Variants in CACNA2D1 observed in about 807,000 individuals in gnomAD.
CACNA2D1 encodes the protein voltage-dependent calcium channel subunit alpha-2/delta-1.
Under a neutral mutation model 171.5 loss-of-function variants are expected in CACNA2D1, and 53 were observed. The ratio of observed to expected loss-of-function variants is 0.31; its 90% CI spans 0.25 to 0.39. The LOEUF (loss-of-function observed/expected upper bound fraction) is 0.39. Among genes scored for constraint, CACNA2D1 ranks in the 10% least tolerant of loss-of-function variants. CACNA2D1 has a pLI of 1.00. For missense variants in CACNA2D1, 903 were observed against 1,299.8 expected (o/e 0.69, Z 4.69); for synonymous variants, 442 against 443.1 (o/e 1.00, Z 0.03).
chr7:82,127,360 C>A (rs1790449512), intron 5 of CACNA2D1, among the ~76,000 whole-genome samples: 1 of 152,184 alleles, frequency 6.6e-6, no homozygotes, highest in South Asian at 2.1e-4. Context: ...AACCTTGAAG[C>A]AAAATTAACA....
At position 82,255,172 on chromosome 7, in the gene CACNA2D1, A is replaced by G. The variant is rs145615851; in HGVS notation, c.294+79963T>C. On this transcript the variant is annotated intron_variant, in intron 3 of 38. Coordinates refer to ENST00000356860, the MANE Select transcript of CACNA2D1 (RefSeq NM_000722.4). ...GTTTTCCCCTCACTTGCTAAACAAA[A>G]GTTCCAAGCCTTTCATATCTAGCTC... Among the ~76,000 whole-genome samples the G allele has an allele frequency of 3.3e-3, 502 of 152,236 alleles. 4 individuals carry two copies. Among genetic ancestry groups the G allele is most frequent in the African/African-American group, 0.012 (482 of 41,542 alleles).
intron 3 of CACNA2D1, among the ~76,000 whole-genome samples, chr7:82,314,655 A>G (rs1585452631): frequency 6.6e-6 from 1 of 152,192 alleles, no homozygotes; most frequent in South Asian, 2.1e-4. Flanking sequence ...TATTTAATTT[A>G]CATTGTTCAT....
chr7:82,216,363 T>C (rs1237888469), intron 3 of CACNA2D1, among the ~76,000 whole-genome samples: 2 of 152,186 alleles, frequency 1.3e-5, no homozygotes, highest in African/African-American at 2.4e-5. Context: ...CACTGTTGCA[T>C]TAAAATTCTG....
intron 1 of CACNA2D1, among the ~76,000 whole-genome samples, chr7:82,396,032 T>C (rs1184893545): frequency 1.3e-5 from 2 of 152,262 alleles, no homozygotes; most frequent in Non-Finnish European, 2.9e-5. Context: ...CTTTCTAATA[T>C]ATTTTATTAC....
At chr7:82,378,439 T>C (rs528619433) in intron 1 of CACNA2D1, among the ~76,000 whole-genome samples, 4 of 152,304 alleles carry the variant, frequency 2.6e-5, no homozygotes, top group African/African-American at 9.6e-5. Flanking sequence ...ATATTTACTA[T>C]AGAAGTGCTC....
At chr7:82,035,460 T>C (rs146171349) in intron 11 of CACNA2D1, among the ~76,000 whole-genome samples, 1 of 152,204 alleles carries the variant, frequency 6.6e-6, no homozygotes, top group East Asian at 1.9e-4. Flanking sequence ...ATGTGGGATG[T>C]ATGGAAAGTA....
intron 6 of CACNA2D1, among the ~76,000 whole-genome samples, chr7:82,085,501 C>T (rs969499576): frequency 1.7e-4 from 24 of 144,534 alleles, no homozygotes; most frequent in Non-Finnish European, 3.0e-4. Flanking sequence ...GGCAGAGCAA[C>T]ATAAATTAGC....
rs1405241042 is a variant in CACNA2D1, at chr7:82,393,097, GGCAGGCAGGCAGGC to G, written c.96-43462_96-43449del. Among the ~76,000 whole-genome samples, 568 of 143,722 alleles carry G rather than the reference GGCAGGCAGGCAGGC, an allele frequency of 4.0e-3. 8 individuals are homozygous for G. The highest frequency in any genetic ancestry group is 0.015 in the African/African-American group (545 of 37,094). The allele number at this position is 143,722 out of a possible 152,430, so 94.3% of individuals were successfully genotyped here. A position where few individuals can be genotyped will look rare whatever the true frequency, so the allele number is the denominator to read the frequency against. Reference sequence around the variant, plus strand: ...AGGAAGGAAGGAAGGCAGGCAGGCAGGCAGGCAGGCAGGCAGGGAGGGAGGGAGGGAGGCAGGCA... The same window carrying G: ...AGGAAGGAAGGAAGGCAGGCAGGCAGAGGGAGGGAGGGAGGGAGGCAGGCA... On this transcript the variant is annotated intron_variant, in intron 1 of 38. Coordinates refer to ENST00000356860, the MANE Select transcript of CACNA2D1 (RefSeq NM_000722.4).
At chr7:82,292,879 G>A (rs1811824677) in intron 3 of CACNA2D1, among the ~76,000 whole-genome samples, 1 of 151,822 alleles carries the variant, frequency 6.6e-6, no homozygotes, top group Non-Finnish European at 1.5e-5. Flanking sequence ...ACAAATATAT[G>A]AGAATCACAA....
chr7:82,302,154 A>G (rs972433627), intron 3 of CACNA2D1, among the ~76,000 whole-genome samples: 1 of 152,198 alleles, frequency 6.6e-6, no homozygotes, highest in Non-Finnish European at 1.5e-5. Flanking sequence ...CAAAATCTAC[A>G]TATAACTGTA....
intron 3 of CACNA2D1, among the ~76,000 whole-genome samples, chr7:82,294,612 G>A (rs1220726763): frequency 3.3e-5 from 5 of 152,044 alleles, no homozygotes; most frequent in Non-Finnish European, 5.9e-5. Flanking sequence ...TTAAAAATAT[G>A]TCATGAGTCA....
At chr7:82,177,087 T>TTTTTGGG (rs1563160670) in intron 3 of CACNA2D1, among the ~76,000 whole-genome samples, 1 of 41,506 alleles carries the variant, frequency 2.4e-5, no homozygotes, top group Non-Finnish European at 4.8e-5. Flanking sequence ...TTTTTTTTTT[T>TTTTTGGG]GGCGGGGGTT....
chr7:82,438,386 G>C (rs1830257541), intron 1 of CACNA2D1, among the ~76,000 whole-genome samples: 1 of 152,112 alleles, frequency 6.6e-6, no homozygotes. Context: ...ACTATATAGT[G>C]ACACAAACTA....
chr7:82,045,121 A>AG, intron 10 of CACNA2D1, among the ~76,000 whole-genome samples: 1 of 5,614 alleles, frequency 1.8e-4, no homozygotes, highest in South Asian at 0.019. Context: ...CCAGATTAAT[A>AG]GAAAAAAATG....
chr7:81,957,860 T>C (rs1431389722), intron 38 of CACNA2D1, among the ~76,000 whole-genome samples: 1 of 152,130 alleles, frequency 6.6e-6, no homozygotes, highest in African/African-American at 2.4e-5. Flanking sequence ...TATAGCCTCC[T>C]AGAATAATAT....
At chr7:82,440,188 T>C (rs1402580873) in intron 1 of CACNA2D1, among the ~76,000 whole-genome samples, 1 of 151,990 alleles carries the variant, frequency 6.6e-6, no homozygotes, top group Non-Finnish European at 1.5e-5. Context: ...TGTATACCAA[T>C]AGGCTCTCAG....
intron 2 of CACNA2D1, among the ~76,000 whole-genome samples, chr7:82,339,546 T>C (rs1331207218): frequency 2.0e-5 from 3 of 152,338 alleles, no homozygotes; most frequent in South Asian, 2.1e-4. Flanking sequence ...TCAGGACTTA[T>C]ATTAGACCTG....
chr7:82,085,402 T>C (rs1810333061), intron 6 of CACNA2D1, among the ~76,000 whole-genome samples: 1 of 152,082 alleles, frequency 6.6e-6, no homozygotes, highest in South Asian at 2.1e-4. Flanking sequence ...TATTCCTTTT[T>C]ATCCTCAGAG....
chr7:82,066,254 G>A (rs541366453), intron 8 of CACNA2D1, among the ~76,000 whole-genome samples: 75 of 151,856 alleles, frequency 4.9e-4, no homozygotes, highest in Non-Finnish European at 9.6e-4. Context: ...TGTGATAAAT[G>A]GGTTCACCTA....
Sources: allele counts gnomAD v4.1 joint callset (sites outside exome capture counted in the v4.1 genomes callset), GRCh38; gene constraint gnomAD v4.1.1; transcripts MANE v1.5; gene names NCBI Gene and HGNC (gene_info 2026-07-23, HGNC 2026-07-21).